NRXN3: variants seen among roughly 807,000 people sequenced by gnomAD.
The protein encoded by NRXN3 is neurexin 3, also known as neurexin III.
In NRXN3, 32 loss-of-function variants were observed where a neutral mutation model predicts 137.6. The ratio of observed to expected loss-of-function variants is 0.23; its 90% confidence interval spans 0.18 to 0.31. The LOEUF is 0.31. Among genes scored for constraint, NRXN3 ranks in the 10% least tolerant of loss-of-function variants. The pLI, the probability that NRXN3 is intolerant of heterozygous loss-of-function variation, is 1.00. For synonymous variants in NRXN3, 798 were observed against 784.5 expected (o/e 1.02, Z -0.29); for missense variants, 1,574 against 2,062.5 (o/e 0.76, Z 4.59).
At chr14:79,749,779 A>AT (rs111721660) in intron 19 of NRXN3, among the ~76,000 whole-genome samples, 73,199 of 150,284 alleles carry the variant, frequency 0.49, 18,168 homozygotes, top group Middle Eastern at 0.61. Context: ...TGCACCAAAC[A>AT]TTTTTTTTTA....
chr14:79,820,804 A>G (rs2099269657), intron 20 of NRXN3, among the ~76,000 whole-genome samples: 1 of 152,312 alleles, frequency 6.6e-6, no homozygotes, highest in African/African-American at 2.4e-5. Context: ...ATCTATGGAG[A>G]AGAAATATGA....
intron 4 of NRXN3, among the ~76,000 whole-genome samples, chr14:78,568,616 AT>A (rs1254395164): frequency 6.6e-6 from 1 of 152,154 alleles, no homozygotes; most frequent in African/African-American, 2.4e-5. Context: ...CTTTACACCG[AT>A]TATCTTGTTT....
At chr14:79,498,650 A>T (rs1261337231) in intron 16 of NRXN3, among the ~76,000 whole-genome samples, 1 of 152,260 alleles carries the variant, frequency 6.6e-6, no homozygotes, top group Non-Finnish European at 1.5e-5. Flanking sequence ...GAATACATTC[A>T]AAATTAGACC....
intron 6 of NRXN3, among the ~76,000 whole-genome samples, chr14:78,663,976 G>A (rs1052582740): frequency 6.6e-6 from 1 of 152,196 alleles, no homozygotes; most frequent in African/African-American, 2.4e-5. Flanking sequence ...TAGTGTTGCG[G>A]TGCTTTTGTA....
chr14:79,001,163 G>GT (rs2099540652), intron 15 of NRXN3, among the ~76,000 whole-genome samples: 1 of 152,154 alleles, frequency 6.6e-6, no homozygotes, highest in Non-Finnish European at 1.5e-5. Flanking sequence ...CCAGGAAGGA[G>GT]TAAGTTGCTT....
At chr14:78,429,079 T>C (rs2093772359) in intron 4 of NRXN3, among the ~76,000 whole-genome samples, 1 of 151,974 alleles carries the variant, frequency 6.6e-6, no homozygotes, top group African/African-American at 2.4e-5. Flanking sequence ...ATTACTATTA[T>C]TATTATTATT....
chr14:79,519,366 A>G (rs143626110), intron 16 of NRXN3, among the ~76,000 whole-genome samples: 33 of 152,056 alleles, frequency 2.2e-4, no homozygotes, highest in Non-Finnish European at 2.9e-5. Flanking sequence ...AGAAACTTTA[A>G]ATATATTAAT....
At chr14:78,231,151 C>T (rs2065338399) in intron 1 of NRXN3, 1 of 152,190 alleles carries the variant, frequency 6.6e-6, no homozygotes, top group African/African-American at 2.4e-5. Context: ...GGGTGAGGGG[C>T]ATCACATAAA....
At chr14:78,968,427 TC>T (rs1380653759) in intron 14 of NRXN3, 81 bp downstream of exon 14, 12 of 1,333,492 alleles carry the variant, frequency 9.0e-6, no homozygotes, top group Non-Finnish European at 1.3e-5. Flanking sequence ...ACTGCCTCCT[TC>T]CTCAGTTGAC....
intron 15 of NRXN3, among the ~76,000 whole-genome samples, chr14:79,296,711 G>A (rs1408113372): frequency 6.6e-6 from 1 of 152,166 alleles, no homozygotes; most frequent in African/African-American, 2.4e-5. Context: ...AAAGGGTCAA[G>A]GCTGAGAAGT....
At position 78,926,853 on chromosome 14, in the gene NRXN3, A is replaced by T. The variant is rs1216146877; in HGVS notation, c.2276-30389A>T. Among the ~76,000 whole-genome samples, 3 of 24,184 alleles carry T rather than the reference A, an allele frequency of 1.2e-4. 1 individual carries two copies. Among genetic ancestry groups the T allele is most frequent in the Non-Finnish European group, 1.8e-4 (3 of 16,592 alleles). 15.9% of individuals were successfully genotyped at this position (24,184 alleles called of 152,430 possible). A position where few individuals can be genotyped will look rare whatever the true frequency, so the allele number is the denominator to read the frequency against. On this transcript the variant is annotated intron_variant, in intron 10 of 20. Transcript: ENST00000335750. Reference sequence around the variant, plus strand: ...AATTTATATAAATATATAATATATTATATATATAATATATATATAATATAT... The same window carrying T: ...AATTTATATAAATATATAATATATTTTATATATAATATATATATAATATAT...
At position 79,427,881 on chromosome 14, in the gene NRXN3, T is replaced by C. The variant is rs74248997; in HGVS notation, c.3263-39340T>C. Among the ~76,000 whole-genome samples the C allele has an allele frequency of 2.9e-3, 442 of 152,250 alleles. 8 individuals carry two copies. In the East Asian group the frequency reaches 0.046, roughly 16 times the overall value. ...TTATTGTCTCAAAGCAGCCATTCAT[T>C]TATTCAAGGAATTGCTAAACTTTTC... On this transcript the variant is annotated intron_variant, in intron 15 of 20. Coordinates refer to ENST00000335750, the MANE Select transcript of NRXN3 (RefSeq NM_001330195.2).
At chr14:79,094,967 A>AGT (rs2049968344) in intron 15 of NRXN3, among the ~76,000 whole-genome samples, 5 of 96,688 alleles carry the variant, frequency 5.2e-5, no homozygotes, top group African/African-American at 1.7e-4. Context: ...AGAGAGAGAG[A>AGT]GAGAGAGAGA....
chr14:79,694,661 G>A (rs2098728588), intron 18 of NRXN3, among the ~76,000 whole-genome samples: 1 of 151,794 alleles, frequency 6.6e-6, no homozygotes, highest in South Asian at 2.1e-4. Context: ...AAAAGAAACT[G>A]GTCAGTTCTT....
rs528532865 is a variant in NRXN3, at chr14:78,565,225, G to A, written c.758-79895G>A. ...GATCCTAAGAAGCCTGCCTTTTGGT[G>A]CCAATCTATTCAATTTGGAATTCAC... is the stretch of plus-strand genomic sequence containing the variant. On this transcript the variant is annotated intron_variant, in intron 4 of 20. Transcript: ENST00000335750. Among the ~76,000 whole-genome samples the A allele has an allele frequency of 3.2e-4, 48 of 152,254 alleles. 1 individual carries two copies. The South Asian group carries it at 8.1e-3, about 26-fold the overall frequency.
chr14:79,318,054 C>CA (rs1449587561), intron 15 of NRXN3, among the ~76,000 whole-genome samples: 1 of 151,444 alleles, frequency 6.6e-6, no homozygotes, highest in Middle Eastern at 3.4e-3. Context: ...ATTATTTAGG[C>CA]AAAAAAAGGG....
intron 15 of NRXN3, among the ~76,000 whole-genome samples, chr14:79,042,738 AT>A (rs2099627071): frequency 6.6e-6 from 1 of 152,174 alleles, no homozygotes; most frequent in Admixed American, 6.5e-5. Context: ...GCAAGTGTGT[AT>A]TTGTGATGGG....
chr14:79,219,141 A>C (rs2069063059), intron 15 of NRXN3, among the ~76,000 whole-genome samples: 1 of 152,144 alleles, frequency 6.6e-6, no homozygotes, highest in Non-Finnish European at 1.5e-5. Context: ...AGTTTATTAG[A>C]GATAGGGTCT....
intron 8 of NRXN3, among the ~76,000 whole-genome samples, chr14:78,784,126 A>C (rs569795232): frequency 6.6e-6 from 1 of 152,082 alleles, no homozygotes; most frequent in Admixed American, 6.6e-5. Context: ...GTTGTCATGA[A>C]AAATAAATGA....
Sources: allele counts gnomAD v4.1 joint callset (sites outside exome capture counted in the v4.1 genomes callset), GRCh38; gene constraint gnomAD v4.1.1; transcripts MANE v1.5; gene names NCBI Gene and HGNC (gene_info 2026-07-23, HGNC 2026-07-21).